FAM13B: variants seen among roughly 807,000 people sequenced by gnomAD.
FAM13B encodes protein FAM13B.
A neutral mutation model predicts 117.3 loss-of-function variants in FAM13B; 60 were observed. The ratio of observed to expected loss-of-function variants is 0.51; its 90% CI spans 0.42 to 0.63. The LOEUF is 0.63. Among genes scored for constraint, FAM13B ranks in the 30% least tolerant of loss-of-function variants. The pLI is 0.00. For missense variants in FAM13B, 972 were observed against 1,091.9 expected (o/e 0.89, Z 1.55); for synonymous variants, 332 against 356.1 (o/e 0.93, Z 0.76).
chr5:137,995,536 A>G (rs1458649047), intron 7 of FAM13B, among the ~76,000 whole-genome samples: 2 of 152,238 alleles, frequency 1.3e-5, no homozygotes, highest in African/African-American at 4.8e-5. Context: ...CAGATGAGTC[A>G]TGCTAGAACT....
intron 1 of FAM13B, among the ~76,000 whole-genome samples, chr5:138,022,315 G>C (rs1363606410): frequency 6.6e-6 from 1 of 152,182 alleles, no homozygotes; most frequent in African/African-American, 2.4e-5. Context: ...CATCCTTTGT[G>C]AATTCTAATG....
chr5:138,012,373 G>T (rs938796516), intron 4 of FAM13B, among the ~76,000 whole-genome samples: 1 of 151,988 alleles, frequency 6.6e-6, no homozygotes, highest in Non-Finnish European at 1.5e-5. Context: ...CAATTTGAGG[G>T]GCTAATAGTA....
chr5:137,967,739 A>G (rs1770509518), intron 10 of FAM13B, among the ~76,000 whole-genome samples: 1 of 151,984 alleles, frequency 6.6e-6, no homozygotes, highest in Admixed American at 6.6e-5. Context: ...TAAAAAAATT[A>G]AAAATTAGCC....
intron 7 of FAM13B, among the ~76,000 whole-genome samples, chr5:137,996,710 C>T (rs1018246219): frequency 6.6e-6 from 1 of 151,870 alleles, no homozygotes; most frequent in African/African-American, 2.4e-5. Flanking sequence ...TCCTGCCTCA[C>T]CCTCCCGAGT....
intron 10 of FAM13B, among the ~76,000 whole-genome samples, chr5:137,981,816 G>A (rs1472033658): frequency 2.6e-5 from 4 of 151,918 alleles, no homozygotes; most frequent in East Asian, 1.9e-4. Context: ...GGCGGAATGC[G>A]AAGCAGGGAA....
At chr5:137,969,804 G>A (rs182923335) in intron 10 of FAM13B, among the ~76,000 whole-genome samples, 185 of 152,286 alleles carry the variant, frequency 1.2e-3, no homozygotes, top group African/African-American at 3.8e-3. Flanking sequence ...CGAGAACTAC[G>A]TGAAGAATGC....
Position 138,008,384 on chromosome 5 carries a change from G to A in FAM13B, c.691-1237C>T, listed in dbSNP as rs1783070713. ...TTGGGCCCAGGAGGTCGGGGCTGCAGAGAGACGCGATTGTGACACTGCACT... is the reference window on the plus strand; with the variant it reads ...TTGGGCCCAGGAGGTCGGGGCTGCAAAGAGACGCGATTGTGACACTGCACT... On this transcript the variant is annotated intron_variant, in intron 6 of 23. Transcript: ENST00000689681. 2.6e-5 allele frequency among the ~76,000 whole-genome samples: 4 copies of A among 152,212 alleles called. No homozygotes were observed. In the South Asian group the frequency reaches 8.3e-4, roughly 31 times the overall value.
At chr5:138,026,962 TAAATAAATA>T in intron 1 of FAM13B, among the ~76,000 whole-genome samples, 1 of 148,664 alleles carries the variant, frequency 6.7e-6, no homozygotes, top group Non-Finnish European at 1.5e-5. Context: ...AATAAATAAA[TAAATAAATA>T]AATAAATAAA....
rs144304885 is a variant in FAM13B, at chr5:137,968,901, C to T, written c.1180-6432G>A. Among the ~76,000 whole-genome samples, 789 of 152,290 alleles carry T rather than the reference C, an allele frequency of 5.2e-3. 3 individuals carry two copies. Among genetic ancestry groups the T allele is most frequent in the Non-Finnish European group, 8.4e-3 (572 of 68,022 alleles). ...CCACCTGAATACTACGCTTTTCCGA[C>T]GGGCTTAAAAAACGGCACACCAGGA... On this transcript the variant is annotated intron_variant, in intron 10 of 23. Transcript: ENST00000689681.
intron 10 of FAM13B, among the ~76,000 whole-genome samples, chr5:137,984,460 G>A (rs553198298): frequency 2.0e-5 from 3 of 152,216 alleles, no homozygotes; most frequent in South Asian, 4.2e-4. Context: ...CTTTGTTTCA[G>A]GACATGATGG....
chr5:138,028,726 T>C (rs1789095043), intron 1 of FAM13B, among the ~76,000 whole-genome samples: 1 of 152,024 alleles, frequency 6.6e-6, no homozygotes, highest in Non-Finnish European at 1.5e-5. Flanking sequence ...CTACTAAAAA[T>C]ACAAAATTAG....
chr5:137,947,285 A>G (rs965626206), intron 18 of FAM13B, among the ~76,000 whole-genome samples: 1 of 152,244 alleles, frequency 6.6e-6, no homozygotes, highest in Non-Finnish European at 1.5e-5. Flanking sequence ...ACATCTTGCT[A>G]TAACAAATAT....
At chr5:138,050,088 T>G (rs1006948423) in intron 1 of FAM13B, among the ~76,000 whole-genome samples, 3 of 151,950 alleles carry the variant, frequency 2.0e-5, no homozygotes, top group African/African-American at 7.3e-5. Flanking sequence ...CAGTAAGCTA[T>G]GATCACTCAA....
intron 10 of FAM13B, among the ~76,000 whole-genome samples, chr5:137,965,090 A>C (rs916211824): frequency 6.6e-6 from 1 of 152,264 alleles, no homozygotes; most frequent in East Asian, 1.9e-4. Flanking sequence ...ACTTGAACCC[A>C]GTGGGGAGGA....
At position 138,021,085 on chromosome 5, in the gene FAM13B, C is replaced by T; in HGVS notation, c.-90G>A. ...AAATGGCTTCTGCACCAGCTACCCT[C>T]ACTGAGCAAGCATTCTTTTGTCATT... On this transcript the variant is annotated 5_prime_UTR_variant, in exon 2 of 24. The change abolishes the stop of an existing upstream ORF in the 5' untranslated region. Coordinates refer to ENST00000689681, the MANE Select transcript of FAM13B (RefSeq NM_001385994.1). The T allele has an allele frequency of 5.7e-6, 7 of 1,231,696 alleles. No individual in the cohort carries two copies. Among genetic ancestry groups the T allele is most frequent in the Non-Finnish European group, 7.1e-6 (7 of 987,942 alleles). The allele number at this position is 1,231,696 out of a possible 1,614,324, so 76.3% of individuals were successfully genotyped here.
intron 10 of FAM13B, among the ~76,000 whole-genome samples, chr5:137,972,572 C>T (rs1298319742): frequency 6.6e-6 from 1 of 151,930 alleles, no homozygotes. Flanking sequence ...CCCTCTCTCA[C>T]CACTCCTATT....
intron 20 of FAM13B, 79 bp from the exon 21 acceptor site, chr5:137,943,295 C>T (rs993369993): frequency 2.9e-5 from 32 of 1,094,626 alleles, no homozygotes; most frequent in South Asian, 1.2e-4. Context: ...CATTATGTTA[C>T]GAATCTTCAA....
intron 18 of FAM13B, among the ~76,000 whole-genome samples, chr5:137,947,591 T>C (rs1285934437): frequency 6.6e-6 from 1 of 152,102 alleles, no homozygotes; most frequent in Non-Finnish European, 1.5e-5. Context: ...AAATTTCTTT[T>C]TTTTTTTTGA....
At chr5:138,050,758 G>T (rs984517539) in intron 1 of FAM13B, among the ~76,000 whole-genome samples, 1 of 152,126 alleles carries the variant, frequency 6.6e-6, no homozygotes, top group Non-Finnish European at 1.5e-5. Context: ...TGAAAGTTTT[G>T]CTTCTTAAAT....
Sources: gnomAD v4.1 joint callset for allele counts (sites outside exome capture counted in the v4.1 genomes callset) on GRCh38, gnomAD v4.1.1 for gene constraint, MANE v1.5 for transcripts, NCBI Gene and HGNC (gene_info 2026-07-23, HGNC 2026-07-21) for gene names.